PHACTR2: variants seen among roughly 807,000 people sequenced by gnomAD.
PHACTR2 encodes chromosome 6 open reading frame 56.
Under a neutral mutation model 76.0 loss-of-function variants are expected in PHACTR2, and 30 were observed. That is an observed-to-expected ratio of 0.39 (90% CI 0.30 to 0.54). PHACTR2 has a LOEUF of 0.54. PHACTR2 is among the 20% of genes least tolerant of loss of function. The pLI, the probability that PHACTR2 is intolerant of heterozygous loss-of-function variation, is 0.61. For synonymous variants in PHACTR2, 292 were observed against 292.5 expected, an observed-to-expected ratio of 1.00 and a Z score of 0.02; for missense variants, 696 against 781.1, an observed-to-expected ratio of 0.89 and a Z score of 1.30.
At position 143,698,276 on chromosome 6, in the gene PHACTR2, C is replaced by A. The variant is rs1777817306; in HGVS notation, c.47-13740C>A. 6.6e-6 allele frequency among the ~76,000 whole-genome samples: 1 copy of A among 152,014 alleles called. No individual in the cohort carries two copies. Among genetic ancestry groups the A allele is most frequent in the South Asian group, 2.1e-4 (1 of 4,818 alleles). On this transcript the variant is annotated intron_variant, in intron 1 of 12. Coordinates refer to ENST00000440869, the MANE Select transcript of PHACTR2 (RefSeq NM_001100164.2). This position sits in a 1 kb window ranked among gnomAD's most constrained non-coding sequence, Gnocchi z 4.3. ...CACCTGTCATTTTAAAGAAAGAAAC[C>A]AAAATAGAACATCTCGCAAGTGGGG...
chr6:143,540,682 T>C (rs1781164472), intron 1 of PHACTR2, among the ~76,000 whole-genome samples: 1 of 149,914 alleles, frequency 6.7e-6, no homozygotes, highest in Non-Finnish European at 1.5e-5. Context: ...ATTTTTCACA[T>C]AAGAATGCAA....
At chr6:143,607,623 TAGA>T (rs1775897939), upstream of PHACTR2, among the ~76,000 whole-genome samples, 1 of 152,194 alleles carries the variant, frequency 6.6e-6, no homozygotes, top group African/African-American at 2.4e-5. Flanking sequence ...TGATCAGAAA[TAGA>T]AGAACTAGTC....
At chr6:143,714,688 T>C (rs13205004) in intron 2 of PHACTR2, among the ~76,000 whole-genome samples, 16,549 of 152,246 alleles carry the variant, frequency 0.11, 1,089 homozygotes, top group South Asian at 0.21. Flanking sequence ...GGCAGGAGAA[T>C]AGATCTCTTT....
chr6:143,582,043 G>T (rs542108426), intron 1 of PHACTR2, among the ~76,000 whole-genome samples: 2 of 152,148 alleles, frequency 1.3e-5, no homozygotes, highest in African/African-American at 4.8e-5. Context: ...TAGAAAAAAA[G>T]ACCTATCACT....
In PHACTR2 at chr6:143,807,355, G is replaced by T. The variant is rs190247819; in HGVS notation, c.1922+222G>T. On this transcript the variant is annotated intron_variant, in intron 12 of 12. Transcript: ENST00000440869. This position sits in a 1 kb window ranked among gnomAD's most constrained non-coding sequence, Gnocchi z 5.5. The stretch of plus-strand genomic sequence containing the variant: ...GGCTTTTAAGAACCTAATAGTCAAT[G>T]TGACAGTTTTAAAGATATGACTAGA... 2.7e-4 allele frequency among the ~76,000 whole-genome samples: 41 copies of T among 152,346 alleles called. No homozygotes were observed. The highest frequency in any genetic ancestry group is 9.9e-4 in the African/African-American group (41 of 41,586).
At position 143,753,808 on chromosome 6, in the gene PHACTR2, G is replaced by A. The variant is rs1342484255; in HGVS notation, c.350G>A (p.Gly117Glu). ...ENSNGHMIPIGEESTREENVV... is the reference protein window; with the variant it reads ...ENSNGHMIPIEEESTREENVV... ...TCAAACGGGCACATGATACCCATCG[G>A]AGAGGAATCTACCCGAGAGGAAAAT... The change falls in exon 4 of 13, where the codon GGA (glycine) becomes GAA (glutamate). Residue 117 changes from glycine (G) to glutamate (E), a missense_variant. Gly to Glu is a moderately conservative substitution (Grantham distance 98). This residue lies in a region of PHACTR2 where 460 missense variants were observed against 450.9 expected (regional missense o/e 1.02). Coordinates refer to ENST00000440869, the MANE Select transcript of PHACTR2 (RefSeq NM_001100164.2). The surrounding 1 kb of genome is among the most constrained non-coding windows in gnomAD (Gnocchi z 4.6). 5 of 1,612,668 alleles carry A rather than the reference G, an allele frequency of 3.1e-6. No homozygotes were observed. The highest frequency in any genetic ancestry group is 1.7e-5 in the Admixed American group (1 of 59,766).
chr6:143,563,771 G>A (rs1259902951), intron 1 of PHACTR2, among the ~76,000 whole-genome samples: 1 of 151,418 alleles, frequency 6.6e-6, no homozygotes, highest in Non-Finnish European at 1.5e-5. Context: ...CAAGGCAGGT[G>A]GATCACTTGA....
In PHACTR2 at chr6:143,595,018, A is replaced by G. The variant is rs907952572; in HGVS notation, c.217+57811A>G. Among the ~76,000 whole-genome samples, 1 of 152,218 alleles carries G rather than the reference A, an allele frequency of 6.6e-6. No homozygotes were observed. Among genetic ancestry groups the G allele is most frequent in the African/African-American group, 2.4e-5 (1 of 41,458 alleles). On this transcript the variant is annotated intron_variant, in intron 1 of 11. Coordinates refer to the PHACTR2 transcript ENST00000367584. This position sits in a 1 kb window ranked among gnomAD's most constrained non-coding sequence, Gnocchi z 4.2. ...ATGAAGACTGTTACATAATGATTTTATGAATAACATACAGCTTCCTAAAAT... is the reference window on the plus strand; with the variant it reads ...ATGAAGACTGTTACATAATGATTTTGTGAATAACATACAGCTTCCTAAAAT...
intron 3 of PHACTR2, 107 bp downstream of exon 3, chr6:143,749,172 C>T (rs562261809): frequency 1.6e-4 from 105 of 641,118 alleles, no homozygotes; most frequent in South Asian, 1.6e-3. Context: ...TAAGGTAAAG[C>T]GGTGATTACT....
intron 1 of PHACTR2, among the ~76,000 whole-genome samples, chr6:143,582,087 C>T (rs910496785): frequency 2.0e-5 from 3 of 152,206 alleles, no homozygotes; most frequent in African/African-American, 7.2e-5. Context: ...TCCACACCCT[C>T]ACATAGATTT....
chr6:143,623,929 C>A lies in PHACTR2; in HGVS notation c.13+15607C>A, dbSNP rs1304322427. Reference sequence around the variant, plus strand: ...ATATTCTGGGTACACTCAGAGCACCCCCATAATAAGTTGCTAATGACATGG... The same window carrying A: ...ATATTCTGGGTACACTCAGAGCACCACCATAATAAGTTGCTAATGACATGG... On this transcript the variant is annotated intron_variant, in intron 1 of 11. Transcript: ENST00000305766. This position sits in a 1 kb window ranked among gnomAD's most constrained non-coding sequence, Gnocchi z 5.9. Among the ~76,000 whole-genome samples the A allele has an allele frequency of 6.6e-6, 1 of 152,092 alleles. No homozygotes were observed. The highest frequency in any genetic ancestry group is 2.4e-5 in the African/African-American group (1 of 41,394).
intron 1 of PHACTR2, among the ~76,000 whole-genome samples, chr6:143,651,382 C>A (rs1248073952): frequency 6.6e-6 from 1 of 152,144 alleles, no homozygotes; most frequent in Non-Finnish European, 1.5e-5. Flanking sequence ...TATAAAGATA[C>A]ATGCATGTGT....
At position 143,821,161 on chromosome 6, in the gene PHACTR2, C is replaced by T. The variant is rs770430042; in HGVS notation, c.1923-2513C>T. Among the ~76,000 whole-genome samples the T allele has an allele frequency of 1.3e-5, 2 of 152,330 alleles. No individual in the cohort carries two copies. The highest frequency in any genetic ancestry group is 2.4e-5 in the African/African-American group (1 of 41,578). ...GTGTATCAAATGCAGGCATGGCGGTCCTCACATCTGCCCAAGGTTACAGTC... is the reference window on the plus strand; with the variant it reads ...GTGTATCAAATGCAGGCATGGCGGTTCTCACATCTGCCCAAGGTTACAGTC... On this transcript the variant is annotated intron_variant, in intron 12 of 12. Transcript: ENST00000440869. The surrounding 1 kb of genome is among the most constrained non-coding windows in gnomAD (Gnocchi z 5.2).
At chr6:143,635,119 T>G (rs547585534) in intron 1 of PHACTR2, among the ~76,000 whole-genome samples, 1 of 152,336 alleles carries the variant, frequency 6.6e-6, no homozygotes, top group East Asian at 1.9e-4. Context: ...CATGTGTTAC[T>G]TTATCTCCAT....
chr6:143,643,291 G>A (rs760901759), intron 1 of PHACTR2, among the ~76,000 whole-genome samples: 47 of 152,016 alleles, frequency 3.1e-4, no homozygotes, highest in African/African-American at 7.7e-4. Flanking sequence ...CAAATTTAAC[G>A]TCCCTTCTAG....
intron 12 of PHACTR2, among the ~76,000 whole-genome samples, chr6:143,812,789 A>C (rs1776206561): frequency 6.6e-6 from 1 of 152,204 alleles, no homozygotes. Flanking sequence ...AGTCCATTTG[A>C]GGGTGATAGA....
In PHACTR2 at chr6:143,678,128, C is replaced by A; in HGVS notation, c.-36C>A. 6.5e-7 allele frequency: 1 copy of A among 1,545,938 alleles called. No homozygotes were observed. The highest frequency in any genetic ancestry group is 2.5e-5 in the East Asian group (1 of 40,544). On this transcript the variant is annotated 5_prime_UTR_variant, in exon 1 of 13. Transcript: ENST00000440869. This position sits in a 1 kb window ranked among gnomAD's most constrained non-coding sequence, Gnocchi z 6.2. ...CCCATGATCGAAGGACCAAAGGAGC[C>A]GCTTGATCGCTGGACCTGGCCCTGC...
rs1423653968 is a variant in PHACTR2 at position 143,583,822 on chromosome 6, A to G, written c.217+46615A>G. Among the ~76,000 whole-genome samples, 2 of 152,224 alleles carry G rather than the reference A, an allele frequency of 1.3e-5. No homozygotes were observed. The highest frequency in any genetic ancestry group is 2.9e-5 in the Non-Finnish European group (2 of 68,046). ...TACTATAATAGGTGCCAGGCATCAT[A>G]CCCAGAGAGGGACCTAGCATAACCA... On this transcript the variant is annotated intron_variant, in intron 1 of 11. Transcript: ENST00000367584. This position sits in a 1 kb window ranked among gnomAD's most constrained non-coding sequence, Gnocchi z 4.0.
At chr6:143,763,815 T>C (rs1779492265) in intron 5 of PHACTR2, among the ~76,000 whole-genome samples, 1 of 152,230 alleles carries the variant, frequency 6.6e-6, no homozygotes, top group South Asian at 2.1e-4. Context: ...AGGTAAGTTA[T>C]AATAACATCT....
Sources: allele counts gnomAD v4.1 joint callset (sites outside exome capture counted in the v4.1 genomes callset), GRCh38; gene constraint gnomAD v4.1.1; regional missense constraint gnomAD v4.1.1; non-coding constraint Gnocchi (gnomAD v3.1); transcripts MANE v1.5; gene names NCBI Gene and HGNC (gene_info 2026-07-23, HGNC 2026-07-21).